The following ZFHX3 variants were observed in gnomAD, a reference collection of about 807,000 sequenced individuals.
ZFHX3 encodes the protein zinc finger homeobox protein 3.
ZFHX3 carries 42 observed loss-of-function variants against 279.1 expected under a neutral mutation model. The ratio of observed to expected loss-of-function variants is 0.15; its 90% CI spans 0.12 to 0.19. The LOEUF (loss-of-function observed/expected upper bound fraction) is 0.19, where lower values mean the gene tolerates loss of function less well. Ranked by LOEUF, ZFHX3 falls within the 10% of genes least tolerant of loss-of-function variation. The probability of loss-of-function intolerance (pLI) is 1.00; values close to 1 mark genes in which losing one functional copy is unlikely to be tolerated. For synonymous variants in ZFHX3, 2,293 were observed against 1,957.8 expected (o/e 1.17, Z -4.52); for missense variants, 4,981 against 4,754.0 (o/e 1.05, Z -1.40).
At chr16:73,801,891 T>G (rs2142326851) in intron 1 of ZFHX3, among the ~76,000 whole-genome samples, 1 of 152,308 alleles carries the variant, frequency 6.6e-6, no homozygotes, top group Admixed American at 6.5e-5. Context: ...CTTGCCTGAG[T>G]TCCTTGCAGC....
At chr16:73,256,310 T>C (rs1250931216) in intron 5 of ZFHX3, among the ~76,000 whole-genome samples, 1 of 152,218 alleles carries the variant, frequency 6.6e-6, no homozygotes, top group Non-Finnish European at 1.5e-5. Flanking sequence ...CTGACCTTGC[T>C]ACATTTTCTA....
At chr16:72,932,916 T>A (rs1959901949) in intron 3 of ZFHX3, among the ~76,000 whole-genome samples, 1 of 152,054 alleles carries the variant, frequency 6.6e-6, no homozygotes, top group Non-Finnish European at 1.5e-5. Flanking sequence ...TATTAGCCCA[T>A]TTTACAGATG....
chr16:73,392,417 T>TAAAAAAAA (rs2017033492), intron 3 of ZFHX3, among the ~76,000 whole-genome samples: 3 of 5,290 alleles, frequency 5.7e-4, no homozygotes, highest in Non-Finnish European at 1.2e-3. Flanking sequence ...AGACCCTGTC[T>TAAAAAAAA]CAAAAAAAAA....
intron 1 of ZFHX3, among the ~76,000 whole-genome samples, chr16:73,839,995 ACT>A (rs1961259211): frequency 6.6e-6 from 1 of 151,762 alleles, no homozygotes; most frequent in Admixed American, 6.6e-5. Flanking sequence ...ATGTTCAATA[ACT>A]CTCTCAAATC....
chr16:73,000,018 G>A (rs1258701474), intron 1 of ZFHX3, among the ~76,000 whole-genome samples: 1 of 152,260 alleles, frequency 6.6e-6, no homozygotes, highest in African/African-American at 2.4e-5. Flanking sequence ...TTGAAGGAAA[G>A]ACTGGAATGG....
chr16:73,518,562 G>T (rs2019560940), intron 2 of ZFHX3, among the ~76,000 whole-genome samples: 1 of 152,162 alleles, frequency 6.6e-6, no homozygotes, highest in Non-Finnish European at 1.5e-5. Flanking sequence ...TGGTCTGACA[G>T]GGGGAAGACT....
chr16:73,512,421 C>T (rs1324904021), intron 2 of ZFHX3, among the ~76,000 whole-genome samples: 2 of 139,080 alleles, frequency 1.4e-5, no homozygotes, highest in Admixed American at 1.6e-4. Context: ...GCACTCCAGC[C>T]TGGCAACAGA....
intron 2 of ZFHX3, among the ~76,000 whole-genome samples, chr16:73,595,974 AC>A: frequency 1.4e-5 from 2 of 140,540 alleles, no homozygotes; most frequent in Non-Finnish European, 3.0e-5. Context: ...CCCGACCATT[AC>A]TTTTTTATTT....
At chr16:73,454,526 G>C (rs1188441781) in intron 3 of ZFHX3, among the ~76,000 whole-genome samples, 1 of 145,746 alleles carries the variant, frequency 6.9e-6, no homozygotes, top group African/African-American at 2.5e-5. Flanking sequence ...ACTTAGGTTA[G>C]TTAGCAAAAA....
intron 1 of ZFHX3, among the ~76,000 whole-genome samples, chr16:73,742,541 G>T (rs1335167545): frequency 6.6e-6 from 1 of 152,138 alleles, no homozygotes; most frequent in Admixed American, 6.6e-5. Flanking sequence ...TGATCCTTTA[G>T]TGACACATAA....
chr16:73,028,867 G>C (rs974103086), intron 1 of ZFHX3, among the ~76,000 whole-genome samples: 2 of 152,182 alleles, frequency 1.3e-5, no homozygotes, highest in African/African-American at 2.4e-5. Flanking sequence ...AAACCTTTTC[G>C]GCAACAACAA....
rs868379907 is a variant in ZFHX3, at chr16:73,515,587, A to C, written c.-1546-59329T>G. Among the ~76,000 whole-genome samples the C allele has an allele frequency of 2.0e-5, 3 of 151,934 alleles. No homozygotes were observed. In the South Asian group the frequency reaches 6.2e-4, roughly 32 times the overall value. On this transcript the variant is annotated intron_variant, in intron 2 of 17. Coordinates refer to the ZFHX3 transcript ENST00000641206. ...GAGAGAAAGAAAGAAAGAGGGAGAGAGAGAGAGGAAGAGAGGGAGAGAAAG... is the reference window on the plus strand; with the variant it reads ...GAGAGAAAGAAAGAAAGAGGGAGAGCGAGAGAGGAAGAGAGGGAGAGAAAG...
At chr16:73,593,740 C>T (rs2052022174) in intron 2 of ZFHX3, among the ~76,000 whole-genome samples, 1 of 152,072 alleles carries the variant, frequency 6.6e-6, no homozygotes, top group African/African-American at 2.4e-5. Context: ...TTTACGGACA[C>T]TGAGGGATGA....
At position 73,104,862 on chromosome 16, in the gene ZFHX3, C is replaced by T. The variant is rs150727234; in HGVS notation, c.-896-11264G>A. ...ATGTGCTCCTATAGCATTTTATGTT[C>T]GCTTCCATCATCATATGGCTGAATG... On this transcript the variant is annotated intron_variant, in intron 7 of 17. Transcript: ENST00000641206. Among the ~76,000 whole-genome samples, 29 of 152,274 alleles carry T rather than the reference C, an allele frequency of 1.9e-4. No homozygotes were observed. The East Asian group carries it at 3.7e-3, about 19-fold the overall frequency.
intron 1 of ZFHX3, among the ~76,000 whole-genome samples, chr16:73,851,789 T>C (rs1220533547): frequency 1.3e-5 from 2 of 152,194 alleles, no homozygotes; most frequent in African/African-American, 4.8e-5. Flanking sequence ...TTTAAAAATA[T>C]TGAGGCATTA....
intron 3 of ZFHX3, among the ~76,000 whole-genome samples, chr16:72,916,448 C>G (rs2039445091): frequency 6.6e-6 from 1 of 152,220 alleles, no homozygotes; most frequent in African/African-American, 2.4e-5. Context: ...AGGTGGACCT[C>G]TCCTGTCCAG....
At chr16:73,596,726 C>T (rs567953464) in intron 2 of ZFHX3, among the ~76,000 whole-genome samples, 4 of 152,318 alleles carry the variant, frequency 2.6e-5, no homozygotes, top group South Asian at 2.1e-4. Context: ...ACTCAACTTC[C>T]GTGATCTATT....
intron 2 of ZFHX3, among the ~76,000 whole-genome samples, chr16:73,471,055 A>T (rs1197125875): frequency 6.6e-6 from 1 of 152,158 alleles, no homozygotes; most frequent in African/African-American, 2.4e-5. Flanking sequence ...TTTTTCTTTA[A>T]ATATTTCTCT....
intron 5 of ZFHX3, among the ~76,000 whole-genome samples, chr16:73,207,561 T>G (rs1391271035): frequency 1.3e-5 from 2 of 151,982 alleles, no homozygotes; most frequent in African/African-American, 2.4e-5. Flanking sequence ...ATAACTAGAG[T>G]AGACATTAAG....
Sources: gnomAD v4.1 joint callset for allele counts (sites outside exome capture counted in the v4.1 genomes callset) on GRCh38, gnomAD v4.1.1 for gene constraint, MANE v1.5 for transcripts, NCBI Gene and HGNC (gene_info 2026-07-23, HGNC 2026-07-21) for gene names.